ZNF507: variants seen among roughly 807,000 people sequenced by gnomAD.
ZNF507 encodes zinc finger protein 507.
Under a neutral mutation model 80.0 loss-of-function variants are expected in ZNF507, and 29 were observed. The observed-to-expected ratio is 0.36, with a 90% CI of 0.27 to 0.49. ZNF507 has a LOEUF of 0.49. ZNF507 is among the 20% of genes least tolerant of loss of function. ZNF507 has a pLI of 0.98. For missense variants in ZNF507, 1,081 were observed against 1,152.2 expected (o/e 0.94, Z 0.90); for synonymous variants, 462 against 422.5 (o/e 1.09, Z -1.15).
At chr19:32,351,228 C>T (rs1490892086) in intron 2 of ZNF507, among the ~76,000 whole-genome samples, 2 of 151,966 alleles carry the variant, frequency 1.3e-5, no homozygotes, top group Non-Finnish European at 2.9e-5. Flanking sequence ...AAAGCTGATG[C>T]CATAGGGCAG....
At chr19:32,352,207 T>G (rs1967178743) in intron 2 of ZNF507, among the ~76,000 whole-genome samples, 1 of 152,242 alleles carries the variant, frequency 6.6e-6, no homozygotes, top group Non-Finnish European at 1.5e-5. Context: ...AGATTATTGC[T>G]TTTATTTAAT....
Position 32,353,753 on chromosome 19 carries a change from C to T in ZNF507, c.923C>T (p.Ala308Val). ...GGTGGGGTCGATGCAGTCGTCATTG[C>T]TATTGGAGAGAGTGAACTGAGTATC... ...APGGVDAVVI[A>V]IGESELSIHN... Residue 308 changes from alanine (A) to valine (V), a missense_variant, in exon 3 of 7, where the codon GCT (alanine) becomes GTT (valine). Ala to Val is a moderately conservative substitution (Grantham distance 64). Transcript: ENST00000355898. 2 of 1,614,186 alleles carry T rather than the reference C, an allele frequency of 1.2e-6. No individual in the cohort carries two copies. Among genetic ancestry groups the T allele is most frequent in the Non-Finnish European group, 1.7e-6 (2 of 1,180,036 alleles).
At chr19:32,366,197 C>T (rs554163465) in intron 5 of ZNF507, among the ~76,000 whole-genome samples, 2 of 152,214 alleles carry the variant, frequency 1.3e-5, no homozygotes, top group East Asian at 3.9e-4. Context: ...CTCTCCCTCC[C>T]TCCCTCTAAA....
At position 32,383,408 on chromosome 19, in the gene ZNF507, A is replaced by G; in HGVS notation, c.*325A>G. The G allele has an allele frequency of 4.4e-6, 1 of 226,264 alleles. No individual in the cohort carries two copies. Among genetic ancestry groups the G allele is most frequent in the South Asian group, 7.4e-5 (1 of 13,530 alleles). The allele number at this position is 226,264 out of a possible 1,614,324, so 14.0% of individuals were successfully genotyped here. A position where few individuals can be genotyped will look rare whatever the true frequency, so the allele number is the denominator to read the frequency against. ...ATTAGAGTGTAGAAATGCCAGCAAG[A>G]GTTAAGAAAGGGCTTTTCAGGAACT... On this transcript the variant is annotated 3_prime_UTR_variant, in exon 7 of 7. Coordinates refer to ENST00000355898, the MANE Select transcript of ZNF507 (RefSeq NM_001136156.2).
chr19:32,345,664 C>G lies in ZNF507; in HGVS notation c.-216C>G, dbSNP rs1160669363. ...GGAGCTCCGGATGAGGAGGGGGAAA[C>G]CGGGGGAAAAGAGGGAAAAGAGCCG... On this transcript the variant is annotated 5_prime_UTR_variant, in exon 1 of 7. Coordinates refer to ENST00000355898, the MANE Select transcript of ZNF507 (RefSeq NM_001136156.2). The G allele has an allele frequency of 1.3e-5, 2 of 152,834 alleles. No individual in the cohort carries two copies. The highest frequency in any genetic ancestry group is 3.4e-3 in the Middle Eastern group (1 of 294). 9.5% of individuals were successfully genotyped at this position (152,834 alleles called of 1,614,324 possible).
intron 5 of ZNF507, among the ~76,000 whole-genome samples, chr19:32,370,742 G>C (rs1967459771): frequency 6.6e-6 from 1 of 152,030 alleles, no homozygotes; most frequent in Admixed American, 6.6e-5. Flanking sequence ...GTTTGATGTT[G>C]TCCCATTTAT....
chr19:32,377,991 C>T (rs1235403010), intron 5 of ZNF507, among the ~76,000 whole-genome samples: 1 of 152,062 alleles, frequency 6.6e-6, no homozygotes, highest in Non-Finnish European at 1.5e-5. Flanking sequence ...CAGCAGACAG[C>T]CCCAACCTGA....
At position 32,382,542 on chromosome 19, in the gene ZNF507, A is replaced by G; in HGVS notation, c.2436A>G (p.Gln812=). ...KSHMWKHASD[Q]NYNYEQVNKA... ...ATATGTGGAAACATGCAAGTGACCA[A>G]AATTACAACTACGAACAAGTAAACA... is the stretch of plus-strand genomic sequence containing the variant. Residue 812 remains glutamine, a synonymous_variant, in exon 6 of 7, where the codon CAA becomes CAG. Transcript: ENST00000355898. 1 of 1,614,206 alleles carries G rather than the reference A, an allele frequency of 6.2e-7. No homozygotes were observed. Among genetic ancestry groups the G allele is most frequent in the Non-Finnish European group, 8.5e-7 (1 of 1,180,030 alleles).
chr19:32,365,778 C>T (rs1967390466), intron 5 of ZNF507, among the ~76,000 whole-genome samples: 1 of 152,086 alleles, frequency 6.6e-6, no homozygotes, highest in Admixed American at 6.5e-5. Context: ...TGCTTAGGTT[C>T]TGAAACTGTA....
intron 5 of ZNF507, among the ~76,000 whole-genome samples, chr19:32,361,794 C>T (rs1040513642): frequency 7.1e-6 from 1 of 140,748 alleles, no homozygotes; most frequent in African/African-American, 2.8e-5. Flanking sequence ...CTCCTTCCTT[C>T]CTTTCCTTCC....
intron 5 of ZNF507, chr19:32,382,243 T>C (rs1222805478): frequency 2.4e-6 from 1 of 419,336 alleles, no homozygotes. Context: ...TACTAATTCT[T>C]TATAATATAA....
intron 5 of ZNF507, among the ~76,000 whole-genome samples, chr19:32,370,169 G>C (rs558140131): frequency 7.9e-5 from 12 of 152,214 alleles, no homozygotes; most frequent in Non-Finnish European, 1.6e-4. Flanking sequence ...TGGACACTTA[G>C]GTTGTTTCCA....
chr19:32,376,658 C>A (rs1326099476), intron 5 of ZNF507, among the ~76,000 whole-genome samples: 2 of 152,066 alleles, frequency 1.3e-5, no homozygotes, highest in Non-Finnish European at 2.9e-5. Context: ...TGTGCAGAGA[C>A]GAGAGATTGT....
intron 5 of ZNF507, among the ~76,000 whole-genome samples, chr19:32,379,133 C>T (rs937167399): frequency 3.9e-5 from 6 of 152,264 alleles, no homozygotes; most frequent in African/African-American, 7.2e-5. Context: ...GTACACACCA[C>T]GACCGTGTGA....
At chr19:32,355,207 T>G (rs1211832418) in intron 3 of ZNF507, among the ~76,000 whole-genome samples, 1 of 152,222 alleles carries the variant, frequency 6.6e-6, no homozygotes, top group Admixed American at 6.5e-5. Flanking sequence ...GTGTATAGTT[T>G]AAAGTGTTGA....
intron 5 of ZNF507, among the ~76,000 whole-genome samples, chr19:32,366,971 C>T (rs761383354): frequency 3.3e-5 from 5 of 152,198 alleles, no homozygotes; most frequent in Non-Finnish European, 7.3e-5. Context: ...TTATTGCCCA[C>T]TTCTTTTTTG....
At chr19:32,366,822 C>T (rs1022677830) in intron 5 of ZNF507, among the ~76,000 whole-genome samples, 5 of 152,238 alleles carry the variant, frequency 3.3e-5, no homozygotes, top group African/African-American at 1.2e-4. Context: ...TACCTATTCA[C>T]ATCCTCACCA....
intron 5 of ZNF507, among the ~76,000 whole-genome samples, chr19:32,375,994 A>G (rs188743420): frequency 2.8e-4 from 42 of 152,342 alleles, no homozygotes; most frequent in Admixed American, 1.9e-3. Flanking sequence ...TAAGATTTTT[A>G]TACAAAGATG....
intron 5 of ZNF507, chr19:32,380,653 A>G (rs1379410296): frequency 3.3e-6 from 5 of 1,530,748 alleles, no homozygotes; most frequent in Non-Finnish European, 4.4e-6. Context: ...TAGGTTTGTA[A>G]TTAAGTATTT....
Sources: allele counts gnomAD v4.1 joint callset (sites outside exome capture counted in the v4.1 genomes callset), GRCh38; gene constraint gnomAD v4.1.1; transcripts MANE v1.5; gene names NCBI Gene and HGNC (gene_info 2026-07-23, HGNC 2026-07-21).